The following TRPS1 variants were observed in gnomAD, a reference collection of about 807,000 sequenced individuals.
The protein encoded by TRPS1 is zinc finger transcription factor Trps1.
A neutral mutation model predicts 101.2 loss-of-function variants in TRPS1; 6 were observed. The observed-to-expected ratio is 0.06, with a 90% CI of 0.03 to 0.12. The LOEUF (loss-of-function observed/expected upper bound fraction) is 0.12. Ranked by LOEUF, TRPS1 falls within the 10% of genes least tolerant of loss-of-function variation. The pLI, the probability that TRPS1 is intolerant of heterozygous loss-of-function variation, is 1.00. For synonymous variants in TRPS1, 578 were observed against 589.8 expected (o/e 0.98, Z 0.29); for missense variants, 1,363 against 1,567.0 (o/e 0.87, Z 2.20).
At chr8:115,530,684 T>C (rs1816107001) in intron 5 of TRPS1, among the ~76,000 whole-genome samples, 1 of 152,134 alleles carries the variant, frequency 6.6e-6, no homozygotes, top group Non-Finnish European at 1.5e-5. Flanking sequence ...CCAACCCAAA[T>C]GCCCATCAAT....
intron 5 of TRPS1, among the ~76,000 whole-genome samples, chr8:115,543,306 G>GTTGTTA (rs1200636916): frequency 1.3e-5 from 2 of 152,118 alleles, no homozygotes; most frequent in African/African-American, 4.8e-5. Context: ...TGTCAGCTCT[G>GTTGTTA]TTGCTATTGC....
At chr8:115,653,124 G>T (rs944606178) in intron 1 of TRPS1, among the ~76,000 whole-genome samples, 1 of 152,064 alleles carries the variant, frequency 6.6e-6, no homozygotes, top group Non-Finnish European at 1.5e-5. Flanking sequence ...ACATGGAAAG[G>T]TTCCAATCTC....
chr8:115,533,563 A>C (rs1034889745), intron 5 of TRPS1, among the ~76,000 whole-genome samples: 1 of 151,426 alleles, frequency 6.6e-6, no homozygotes, highest in African/African-American at 2.4e-5. Context: ...GGTTTCCTAC[A>C]AACTCTACAC....
intron 1 of TRPS1, among the ~76,000 whole-genome samples, chr8:115,662,753 T>C (rs1811832733): frequency 6.7e-6 from 1 of 150,272 alleles, no homozygotes; most frequent in Non-Finnish European, 1.5e-5. Flanking sequence ...AAAATTATCA[T>C]CTAAAATTGT....
chr8:115,481,274 T>C (rs1304077549), intron 5 of TRPS1, among the ~76,000 whole-genome samples: 1 of 152,118 alleles, frequency 6.6e-6, no homozygotes, highest in Non-Finnish European at 1.5e-5. Context: ...AAACGCAAAC[T>C]AGCCAAGTAC....
At chr8:115,655,366 T>G (rs1327699492) in intron 1 of TRPS1, among the ~76,000 whole-genome samples, 1 of 152,180 alleles carries the variant, frequency 6.6e-6, no homozygotes, top group African/African-American at 2.4e-5. Context: ...ACCCGTATTT[T>G]CTCCTTTTGT....
At chr8:115,509,596 T>C (rs1815530588) in intron 5 of TRPS1, 1 of 151,976 alleles carries the variant, frequency 6.6e-6, no homozygotes. Context: ...TTCTTATCAT[T>C]TTACAGAAAA....
intron 5 of TRPS1, among the ~76,000 whole-genome samples, chr8:115,512,859 A>T (rs1243423458): frequency 6.6e-6 from 1 of 151,710 alleles, no homozygotes; most frequent in Non-Finnish European, 1.5e-5. Context: ...TATACATGTG[A>T]ACTTTAATTA....
At chr8:115,623,842 T>C in intron 1 of TRPS1, 84 bp from the exon 2 acceptor site, 1 of 1,285,940 alleles carries the variant, frequency 7.8e-7, no homozygotes, top group East Asian at 2.8e-5. Flanking sequence ...TATATTAATA[T>C]GCTGGCATCA....
intron 5 of TRPS1, among the ~76,000 whole-genome samples, chr8:115,492,656 C>T (rs1431984471): frequency 2.6e-5 from 4 of 152,044 alleles, no homozygotes; most frequent in South Asian, 4.1e-4. Context: ...ATGGACTCTA[C>T]GTTTCTCTGA....
chr8:115,598,946 T>C (rs1462299769), intron 4 of TRPS1, among the ~76,000 whole-genome samples: 3 of 152,202 alleles, frequency 2.0e-5, no homozygotes, highest in African/African-American at 7.2e-5. Context: ...CTGAATTTAT[T>C]CCTATACATC....
At chr8:115,434,865 C>T (rs914351787) in intron 5 of TRPS1, among the ~76,000 whole-genome samples, 1 of 152,152 alleles carries the variant, frequency 6.6e-6, no homozygotes, top group Non-Finnish European at 1.5e-5. Flanking sequence ...GATATTTAAT[C>T]AATAAGGAAG....
At chr8:115,499,917 TTCTTTCTTTC>T (rs1815260993) in intron 5 of TRPS1, among the ~76,000 whole-genome samples, 1 of 75,038 alleles carries the variant, frequency 1.3e-5, no homozygotes. Flanking sequence ...AGTGCTAAAT[TTCTTTCTTTC>T]TTTCTTTCTT....
At chr8:115,421,480 A>C (rs1281803933) in intron 5 of TRPS1, among the ~76,000 whole-genome samples, 1 of 152,182 alleles carries the variant, frequency 6.6e-6, no homozygotes, top group Non-Finnish European at 1.5e-5. Flanking sequence ...GATATTGTTC[A>C]ATGTGTTTCT....
intron 1 of TRPS1, among the ~76,000 whole-genome samples, chr8:115,643,939 T>A (rs1416650275): frequency 6.6e-6 from 1 of 152,200 alleles, no homozygotes; most frequent in East Asian, 1.9e-4. Context: ...TACATCTCCA[T>A]CAGAGCTTCT....
intron 5 of TRPS1, among the ~76,000 whole-genome samples, chr8:115,528,724 T>C (rs1200520577): frequency 6.6e-6 from 1 of 152,018 alleles, no homozygotes; most frequent in Non-Finnish European, 1.5e-5. Flanking sequence ...ATCACTTTAT[T>C]ATAAATAGTC....
At chr8:115,595,290 C>T (rs756122295) in intron 4 of TRPS1, among the ~76,000 whole-genome samples, 31 of 151,752 alleles carry the variant, frequency 2.0e-4, no homozygotes, top group Non-Finnish European at 3.7e-4. Flanking sequence ...GGCATTACTG[C>T]CACTGTAAAA....
chr8:115,457,116 T>C (rs573727237), intron 5 of TRPS1, among the ~76,000 whole-genome samples: 16 of 152,198 alleles, frequency 1.1e-4, no homozygotes, highest in Admixed American at 3.3e-4. Flanking sequence ...AATTATCCTA[T>C]CAGAGCCACA....
In TRPS1 at chr8:115,519,732, T is replaced by G. The variant is rs555853538; in HGVS notation, c.2700+67269A>C. ...ACATTAATAACAATATGGAAAGAAA[T>G]AAAAACTAAGAAAAATAAATTAAAA... is the stretch of plus-strand genomic sequence containing the variant. On this transcript the variant is annotated intron_variant, in intron 5 of 6. Coordinates refer to ENST00000395715, the MANE Select transcript of TRPS1 (RefSeq NM_014112.5). Among the ~76,000 whole-genome samples, 73 of 151,538 alleles carry G rather than the reference T, an allele frequency of 4.8e-4. 1 individual carries two copies. Among genetic ancestry groups the G allele is most frequent in the African/African-American group, 1.7e-3 (71 of 41,464 alleles).
Sources: gnomAD v4.1 joint callset for allele counts (sites outside exome capture counted in the v4.1 genomes callset) on GRCh38, gnomAD v4.1.1 for gene constraint, MANE v1.5 for transcripts, NCBI Gene and HGNC (gene_info 2026-07-23, HGNC 2026-07-21) for gene names.